KIZ: variants seen among roughly 807,000 people sequenced by gnomAD.
KIZ encodes kizuna centrosomal protein, also known as centrosomal protein kizuna.
Under a neutral mutation model 79.6 loss-of-function variants are expected in KIZ, and 68 were observed. The ratio of observed to expected loss-of-function variants is 0.85; its 90% confidence interval spans 0.70 to 1.05. The LOEUF (loss-of-function observed/expected upper bound fraction) is 1.05. Among genes scored for constraint, KIZ ranks in the 50% least tolerant of loss-of-function variants. The pLI is 0.00. For synonymous variants in KIZ, 280 were observed against 281.8 expected (o/e 0.99, Z 0.06); for missense variants, 797 against 800.4 (o/e 1.00, Z 0.05).
chr20:21,206,480 G>A (rs2035833892), intron 7 of KIZ, among the ~76,000 whole-genome samples: 1 of 152,038 alleles, frequency 6.6e-6, no homozygotes, highest in Admixed American at 6.5e-5. Context: ...GGGGGTGGGG[G>A]CAGAGGTGAC....
At chr20:21,141,740 A>G (rs2032541526) in intron 3 of KIZ, among the ~76,000 whole-genome samples, 1 of 151,902 alleles carries the variant, frequency 6.6e-6, no homozygotes, top group African/African-American at 2.4e-5. Flanking sequence ...TTTTGAGGAC[A>G]AAGCCCAGGT....
chr20:21,229,175 G>A lies in KIZ; in HGVS notation c.1783+60G>A, dbSNP rs1402746873. 6.4e-6 allele frequency: 6 copies of A among 935,622 alleles called. No homozygotes were observed. The African/African-American group carries it at 9.9e-5, about 15-fold the overall frequency. The allele number at this position is 935,622 out of a possible 1,614,324, so 58.0% of individuals were successfully genotyped here. A position where few individuals can be genotyped will look rare whatever the true frequency, so the allele number is the denominator to read the frequency against. On this transcript the variant is annotated intron_variant, in intron 10 of 12. Coordinates refer to ENST00000619189, the MANE Select transcript of KIZ (RefSeq NM_018474.6). ...AGAGTGGCAGGCAGGGCTGTGTTCG[G>A]GGAAGGGTGGTTATTCTTTATGAAG...
chr20:21,174,506 T>A (rs2034352914), intron 6 of KIZ, among the ~76,000 whole-genome samples: 1 of 152,152 alleles, frequency 6.6e-6, no homozygotes, highest in South Asian at 2.1e-4. Flanking sequence ...ATTAAATTCT[T>A]TAATTAGAAA....
intron 4 of KIZ, among the ~76,000 whole-genome samples, chr20:21,149,504 A>G (rs2033009557): frequency 6.6e-6 from 1 of 152,234 alleles, no homozygotes; most frequent in South Asian, 2.1e-4. Flanking sequence ...GAAGGGAGAA[A>G]GCCTGCACGG....
At chr20:21,127,101 AGT>A (rs1341764057) in intron 1 of KIZ, among the ~76,000 whole-genome samples, 1 of 152,238 alleles carries the variant, frequency 6.6e-6, no homozygotes, top group Non-Finnish European at 1.5e-5. Context: ...TAAAGGCAGA[AGT>A]GAGCGATTTT....
intron 7 of KIZ, among the ~76,000 whole-genome samples, chr20:21,206,310 A>C: frequency 6.6e-6 from 1 of 152,186 alleles, no homozygotes; most frequent in Non-Finnish European, 1.5e-5. Context: ...GTGTGACATC[A>C]TGGGATGCAT....
rs186394000 is a variant in KIZ, at chr20:21,136,985, T to C, written c.315+433T>C. Among the ~76,000 whole-genome samples the C allele has an allele frequency of 8.5e-5, 13 of 152,352 alleles. No individual in the cohort carries two copies. The East Asian group carries it at 2.3e-3, about 27-fold the overall frequency. ...AGTTAAGGAATCAATGGGATATCTC[T>C]AACACAGGCAAGATCACTAGCCAGT... On this transcript the variant is annotated intron_variant, in intron 3 of 12. Coordinates refer to ENST00000619189, the MANE Select transcript of KIZ (RefSeq NM_018474.6).
At chr20:21,182,277 G>C (rs1428582420) in intron 6 of KIZ, among the ~76,000 whole-genome samples, 1 of 152,146 alleles carries the variant, frequency 6.6e-6, no homozygotes, top group African/African-American at 2.4e-5. Flanking sequence ...GGAGTCAGAA[G>C]GTGGATAAAT....
At position 21,246,606 on chromosome 20, in the gene KIZ, CT is replaced by C. The variant is rs1297487663; in HGVS notation, c.*33del. On this transcript the variant is annotated 3_prime_UTR_variant, in exon 13 of 13. Transcript: ENST00000619189. ...CTGTGACATTGGTTTCAAATAAAGT[CT>C]TTAAACAAACTAAAATCCTGTGTTA... The C allele has an allele frequency of 7.7e-7, 1 of 1,290,932 alleles. No individual in the cohort carries two copies. The allele number at this position is 1,290,932 out of a possible 1,614,324, so 80.0% of individuals were successfully genotyped here. A position where few individuals can be genotyped will look rare whatever the true frequency, so the allele number is the denominator to read the frequency against.
At chr20:21,243,883 G>T (rs2037303054) in intron 11 of KIZ, among the ~76,000 whole-genome samples, 2 of 152,162 alleles carry the variant, frequency 1.3e-5, no homozygotes, top group Non-Finnish European at 2.9e-5. Context: ...GAAGTTTGAT[G>T]CATCACTGTC....
chr20:21,187,213 C>G (rs1568957243), intron 6 of KIZ, among the ~76,000 whole-genome samples: 1 of 152,168 alleles, frequency 6.6e-6, no homozygotes, highest in Non-Finnish European at 1.5e-5. Context: ...TCTAAGGGTT[C>G]AACAGCAAAC....
chr20:21,232,809 G>A lies in KIZ; in HGVS notation c.1859G>A (p.Ser620Asn), dbSNP rs768021926. 4.5e-6 allele frequency: 7 copies of A among 1,551,196 alleles called. No individual in the cohort carries two copies. The Admixed American group carries it at 7.1e-5, about 16-fold the overall frequency. Reference sequence around the variant, plus strand: ...GCTTCGGAAGCTAGTTTTTCATCTAGTGAAGGAAGTCCTTTGTCAAGGTAA... The same window carrying A: ...GCTTCGGAAGCTAGTTTTTCATCTAATGAAGGAAGTCCTTTGTCAAGGTAA... ...KIASEASFSS[S>N]EGSPLSRHEN... is the part of the protein sequence containing the mutation. The change falls in exon 11 of 13, where the codon AGT (serine) becomes AAT (asparagine). Residue 620 changes from serine to asparagine, a missense_variant. Coordinates refer to ENST00000619189, the MANE Select transcript of KIZ (RefSeq NM_018474.6).
intron 6 of KIZ, among the ~76,000 whole-genome samples, chr20:21,163,616 A>G (rs2033799241): frequency 6.6e-6 from 1 of 152,234 alleles, no homozygotes; most frequent in South Asian, 2.1e-4. Flanking sequence ...TTGCCATATT[A>G]TCATTTTTGT....
At chr20:21,235,617 A>T (rs1043043249) in intron 11 of KIZ, among the ~76,000 whole-genome samples, 4 of 152,160 alleles carry the variant, frequency 2.6e-5, no homozygotes, top group Non-Finnish European at 5.9e-5. Flanking sequence ...CATTTGTTCA[A>T]TGGAGAGTAT....
intron 6 of KIZ, among the ~76,000 whole-genome samples, chr20:21,187,565 C>T (rs1373793871): frequency 6.6e-6 from 1 of 152,160 alleles, no homozygotes; most frequent in Non-Finnish European, 1.5e-5. Context: ...TTCCCTTCTC[C>T]CTGAATCCGC....
chr20:21,206,704 G>C (rs1355722651), intron 7 of KIZ, among the ~76,000 whole-genome samples: 1 of 152,194 alleles, frequency 6.6e-6, no homozygotes, highest in Non-Finnish European at 1.5e-5. Context: ...GGAGCTTTTT[G>C]AACAGAGCTG....
chr20:21,181,779 T>C (rs2034665990), intron 6 of KIZ, among the ~76,000 whole-genome samples: 1 of 152,180 alleles, frequency 6.6e-6, no homozygotes, highest in Non-Finnish European at 1.5e-5. Context: ...TTTTTAAAAC[T>C]TAGTTTTCTG....
chr20:21,148,163 G>A (rs1270768945), intron 4 of KIZ, among the ~76,000 whole-genome samples: 1 of 152,116 alleles, frequency 6.6e-6, no homozygotes, highest in Admixed American at 6.6e-5. Flanking sequence ...TGGAGGACCT[G>A]TATTGGGGAT....
intron 11 of KIZ, among the ~76,000 whole-genome samples, chr20:21,242,213 A>G (rs1463117002): frequency 1.3e-5 from 2 of 152,224 alleles, no homozygotes; most frequent in Admixed American, 6.5e-5. Flanking sequence ...ACGAGGACTC[A>G]GTGGTAAAGA....
Sources: allele counts gnomAD v4.1 joint callset (sites outside exome capture counted in the v4.1 genomes callset), GRCh38; gene constraint gnomAD v4.1.1; transcripts MANE v1.5; gene names NCBI Gene and HGNC (gene_info 2026-07-23, HGNC 2026-07-21).